Variants in PTPRG observed in about 807,000 individuals in gnomAD.
PTPRG encodes protein tyrosine phosphatase receptor type G.
A neutral mutation model predicts 165.3 loss-of-function variants in PTPRG; 102 were observed. The observed-to-expected ratio is 0.62, with a 90% CI of 0.53 to 0.73. The LOEUF (loss-of-function observed/expected upper bound fraction) is 0.73, where lower values mean the gene tolerates loss of function less well. Among genes scored for constraint, PTPRG ranks in the 30% least tolerant of loss-of-function variants. The pLI is 0.00. For missense variants in PTPRG, 1,866 were observed against 1,861.4 expected, an observed-to-expected ratio of 1.00 and a Z score of -0.05; for synonymous variants, 675 against 669.5, an observed-to-expected ratio of 1.01 and a Z score of -0.13.
At chr3:61,777,521 T>C (rs1449164255) in intron 2 of PTPRG, among the ~76,000 whole-genome samples, 1 of 152,194 alleles carries the variant, frequency 6.6e-6, no homozygotes, top group Non-Finnish European at 1.5e-5. Context: ...GAGACAACTG[T>C]CACGGTACTG....
At chr3:61,617,869 CAGTA>C (rs1371533598) in intron 1 of PTPRG, among the ~76,000 whole-genome samples, 7 of 152,154 alleles carry the variant, frequency 4.6e-5, no homozygotes, top group African/African-American at 1.4e-4. Flanking sequence ...CATTGACTGA[CAGTA>C]AGAGCTTGTA....
At chr3:61,871,569 G>A (rs572468335) in intron 2 of PTPRG, among the ~76,000 whole-genome samples, 49 of 152,222 alleles carry the variant, frequency 3.2e-4, no homozygotes, top group Non-Finnish European at 5.9e-4. Context: ...ATAGGAAAAA[G>A]TTCATCCTCT....
At chr3:62,024,496 T>G (rs1369084740) in intron 4 of PTPRG, among the ~76,000 whole-genome samples, 1 of 152,212 alleles carries the variant, frequency 6.6e-6, no homozygotes, top group Non-Finnish European at 1.5e-5. Flanking sequence ...GATTTTAATT[T>G]TCTACTCCAT....
intron 2 of PTPRG, among the ~76,000 whole-genome samples, chr3:61,927,051 T>C (rs1280997359): frequency 6.6e-6 from 1 of 152,222 alleles, no homozygotes; most frequent in Non-Finnish European, 1.5e-5. Flanking sequence ...TGAGTACATA[T>C]GACTGTCAAG....
chr3:62,048,829 C>T (rs537674317), intron 4 of PTPRG, among the ~76,000 whole-genome samples: 19 of 152,242 alleles, frequency 1.2e-4, no homozygotes, highest in Admixed American at 6.5e-4. Flanking sequence ...TCCCCTCCTG[C>T]GAGGAACAAA....
chr3:62,117,152 A>G (rs529972616), intron 5 of PTPRG, among the ~76,000 whole-genome samples: 1 of 152,196 alleles, frequency 6.6e-6, no homozygotes, highest in African/African-American at 2.4e-5. Context: ...CAAACGGACC[A>G]TCTTTAGTCA....
chr3:61,670,527 C>T (rs943769442), intron 1 of PTPRG, among the ~76,000 whole-genome samples: 2 of 152,170 alleles, frequency 1.3e-5, no homozygotes, highest in African/African-American at 4.8e-5. Context: ...TATTGATCAG[C>T]GCGACATCTT....
At chr3:61,650,472 G>A (rs1473595399) in intron 1 of PTPRG, among the ~76,000 whole-genome samples, 1 of 152,188 alleles carries the variant, frequency 6.6e-6, no homozygotes, top group Admixed American at 6.5e-5. Context: ...GCCAGGAGAA[G>A]GGAAACTTGG....
At chr3:62,226,674 C>G (rs1700769955) in intron 13 of PTPRG, among the ~76,000 whole-genome samples, 1 of 152,174 alleles carries the variant, frequency 6.6e-6, no homozygotes, top group Admixed American at 6.5e-5. Flanking sequence ...GAACAGAAAA[C>G]TGGAAACTCC....
chr3:61,767,280 A>ATT (rs139522785), intron 2 of PTPRG, among the ~76,000 whole-genome samples: 18 of 145,410 alleles, frequency 1.2e-4, no homozygotes, highest in East Asian at 6.5e-4. Context: ...ATCAAACTCC[A>ATT]TTTTTTTAAC....
chr3:61,921,901 T>A (rs2039086655), intron 2 of PTPRG, among the ~76,000 whole-genome samples: 1 of 152,234 alleles, frequency 6.6e-6, no homozygotes, highest in South Asian at 2.1e-4. Flanking sequence ...AAACCATGCC[T>A]TAACATTTGT....
chr3:61,838,745 C>A (rs1028295913), intron 2 of PTPRG, among the ~76,000 whole-genome samples: 7 of 152,170 alleles, frequency 4.6e-5, no homozygotes, highest in African/African-American at 1.4e-4. Context: ...GGTATTCTTA[C>A]CACTCTCCCT....
intron 3 of PTPRG, among the ~76,000 whole-genome samples, chr3:61,994,940 C>T (rs1038297232): frequency 6.6e-6 from 1 of 152,102 alleles, no homozygotes; most frequent in Non-Finnish European, 1.5e-5. Context: ...TGCCTCTCTG[C>T]AGCCCTGAAG....
chr3:61,942,921 A>G (rs950773438), intron 2 of PTPRG, among the ~76,000 whole-genome samples: 3 of 152,218 alleles, frequency 2.0e-5, no homozygotes, highest in African/African-American at 7.2e-5. Context: ...TAAGTATTGT[A>G]TGCCAGTAGG....
At chr3:62,289,709 C>CCAA (rs1553670285) in intron 28 of PTPRG, among the ~76,000 whole-genome samples, 1 of 122,664 alleles carries the variant, frequency 8.2e-6, no homozygotes, top group Non-Finnish European at 1.8e-5. Context: ...CCCCCCCCCC[C>CCAA]AAAAAAAACA....
intron 1 of PTPRG, among the ~76,000 whole-genome samples, chr3:61,683,248 C>T (rs922235749): frequency 2.0e-5 from 3 of 152,184 alleles, no homozygotes; most frequent in African/African-American, 4.8e-5. Flanking sequence ...TGATAATTGA[C>T]GGCAGTCCCA....
chr3:62,159,271 C>T (rs1704654161), intron 7 of PTPRG, among the ~76,000 whole-genome samples: 2 of 151,706 alleles, frequency 1.3e-5, no homozygotes, highest in African/African-American at 2.4e-5. Flanking sequence ...GTCAAGGCTG[C>T]AGTGAACTGT....
chr3:61,729,130 C>T (rs957764601), intron 1 of PTPRG, among the ~76,000 whole-genome samples: 4 of 151,988 alleles, frequency 2.6e-5, no homozygotes, highest in East Asian at 3.9e-4. Context: ...AAGGGGCTTA[C>T]AGAATTAAAT....
At chr3:61,848,816 G>A (rs367693067) in intron 2 of PTPRG, among the ~76,000 whole-genome samples, 2 of 152,110 alleles carry the variant, frequency 1.3e-5, no homozygotes, top group East Asian at 3.9e-4. Flanking sequence ...TATGTGTCAG[G>A]CACTCTGCCA....
Sources: allele counts gnomAD v4.1 joint callset (sites outside exome capture counted in the v4.1 genomes callset), GRCh38; gene constraint gnomAD v4.1.1; transcripts MANE v1.5; gene names NCBI Gene and HGNC (gene_info 2026-07-23, HGNC 2026-07-21).